The following MYO3B variants were observed in gnomAD, a reference collection of about 807,000 sequenced individuals.
MYO3B encodes myosin-IIIb.
Under a neutral mutation model 174.6 loss-of-function variants are expected in MYO3B, and 156 were observed. The observed-to-expected ratio is 0.89, with a 90% CI of 0.78 to 1.02. The LOEUF (loss-of-function observed/expected upper bound fraction) is 1.02. Ranked by LOEUF, MYO3B falls within the 50% of genes least tolerant of loss-of-function variation. MYO3B has a pLI of 0.00. For synonymous variants in MYO3B, 563 were observed against 569.1 expected, an observed-to-expected ratio of 0.99 and a Z score of 0.15; for missense variants, 1,632 against 1,639.4, an observed-to-expected ratio of 1.00 and a Z score of 0.08.
intron 29 of MYO3B, among the ~76,000 whole-genome samples, chr2:170,517,076 T>A (rs13007341): frequency 6.6e-6 from 1 of 152,022 alleles, no homozygotes; most frequent in Non-Finnish European, 1.5e-5. Context: ...CAATTTCGGA[T>A]GCTGCCTTGA....
intron 30 of MYO3B, chr2:170,524,733 C>A (rs1688898722): frequency 3.2e-6 from 1 of 309,286 alleles, no homozygotes; most frequent in African/African-American, 2.3e-5. Context: ...GATTCGTCCC[C>A]CTCAGGCTCC....
chr2:170,644,639 G>C (rs1312977472), intron 32 of MYO3B: 1 of 152,186 alleles, frequency 6.6e-6, no homozygotes, highest in Non-Finnish European at 1.5e-5. Context: ...TCTAGCTTGA[G>C]TATACTGGCA....
chr2:170,485,386 AACACACACAC>A (rs370436580), intron 25 of MYO3B, among the ~76,000 whole-genome samples: 16 of 136,796 alleles, frequency 1.2e-4, no homozygotes, highest in East Asian at 1.1e-3. Flanking sequence ...ATCCTTTCAG[AACACACACAC>A]ACACACACAC....
At chr2:170,468,601 G>T (rs1227899176) in intron 25 of MYO3B, among the ~76,000 whole-genome samples, 1 of 152,148 alleles carries the variant, frequency 6.6e-6, no homozygotes, top group African/African-American at 2.4e-5. Context: ...CTCTACTCAT[G>T]GAGCCTTTGA....
At chr2:170,456,827 C>T (rs1559018965) in intron 23 of MYO3B, among the ~76,000 whole-genome samples, 2 of 152,212 alleles carry the variant, frequency 1.3e-5, no homozygotes. Context: ...TCATCAGTCA[C>T]TTAATAAAGT....
Position 170,651,670 on chromosome 2 carries a change from G to A in MYO3B, c.3776G>A (p.Arg1259Gln), listed in dbSNP as rs184463443. The change falls in exon 33 of 35, where the codon CGA becomes CAA. Residue 1259 changes from arginine to glutamine, a missense_variant. Physicochemically the swap from Arg to Gln is conservative, Grantham distance 43. Coordinates refer to ENST00000408978, the MANE Select transcript of MYO3B (RefSeq NM_138995.5). ...GLAQKHRTPR[R>Q]RCQQPKMLSS... ...GCACAGAAGCATCGAACACCTCGCC[G>A]ACGATGTCAGCAGCCCAAAATGCTG... 2.7e-5 allele frequency: 43 copies of A among 1,614,062 alleles called. No individual in the cohort carries two copies. The highest frequency in any genetic ancestry group is 3.3e-5 in the Admixed American group (2 of 60,012).
chr2:170,651,562 GC>G, intron 32 of MYO3B, 65 bp from the exon 33 acceptor site: 1 of 1,268,474 alleles, frequency 7.9e-7, no homozygotes, highest in Non-Finnish European at 1.2e-6. Context: ...TATGTGAAGA[GC>G]CATTTTTCAC....
intron 22 of MYO3B, among the ~76,000 whole-genome samples, chr2:170,442,929 T>A (rs2094812977): frequency 6.6e-6 from 1 of 152,216 alleles, no homozygotes; most frequent in Non-Finnish European, 1.5e-5. Context: ...TGGTTCCAAG[T>A]CTTTGCTATT....
At chr2:170,377,317 A>G (rs1574877064) in intron 9 of MYO3B, among the ~76,000 whole-genome samples, 2 of 152,230 alleles carry the variant, frequency 1.3e-5, no homozygotes, top group East Asian at 3.9e-4. Context: ...GGTGTCCTCT[A>G]AAGCTCCTTT....
Position 170,238,392 on chromosome 2 carries a change from A to G in MYO3B, c.749+2256A>G, listed in dbSNP as rs1417930838. Among the ~76,000 whole-genome samples the G allele has an allele frequency of 2.6e-5, 4 of 151,950 alleles. No homozygotes were observed. The East Asian group carries it at 7.7e-4, about 29-fold the overall frequency. ...TCTCTCTCTCTCTCTCCGCCCCCTC[A>G]GTGGAGAAAAGCAAATGAAAAATAA... On this transcript the variant is annotated intron_variant, in intron 7 of 34. Transcript: ENST00000408978.
intron 9 of MYO3B, among the ~76,000 whole-genome samples, chr2:170,375,448 G>A (rs17425581): frequency 0.17 from 26,271 of 151,630 alleles, 2,438 homozygotes; most frequent in Middle Eastern, 0.31. Context: ...AACCACAGAT[G>A]TTAAACCCTA....
At chr2:170,561,478 G>C (rs1266287274) in intron 32 of MYO3B, among the ~76,000 whole-genome samples, 1 of 152,166 alleles carries the variant, frequency 6.6e-6, no homozygotes, top group Non-Finnish European at 1.5e-5. Flanking sequence ...TACATCACAA[G>C]CCTCTGTGGG....
Position 170,337,627 on chromosome 2 carries a change from C to A in MYO3B, c.815+2177C>A, listed in dbSNP as rs967334536. Among the ~76,000 whole-genome samples, 14 of 152,268 alleles carry A rather than the reference C, an allele frequency of 9.2e-5. No individual in the cohort carries two copies. In the East Asian group the frequency reaches 2.1e-3, roughly 23 times the overall value. On this transcript the variant is annotated intron_variant, in intron 8 of 34. Transcript: ENST00000408978. The stretch of plus-strand genomic sequence containing the variant: ...AATGCAGCGGTTGGGGTGCTGACTA[C>A]CCCCCACCTTATGAAGTCAAAAATT...
At chr2:170,378,916 C>T (rs2094314036) in intron 9 of MYO3B, among the ~76,000 whole-genome samples, 1 of 152,186 alleles carries the variant, frequency 6.6e-6, no homozygotes, top group Non-Finnish European at 1.5e-5. Flanking sequence ...ATTTTGAGTT[C>T]TGACTTCCTT....
intron 22 of MYO3B, 142 bp from the exon 23 acceptor site, chr2:170,443,825 T>A (rs890134413): frequency 8.3e-6 from 3 of 363,410 alleles, no homozygotes; most frequent in Non-Finnish European, 9.7e-6. Flanking sequence ...CATCAAAGTG[T>A]CAAAATTTTC....
chr2:170,413,696 G>T (rs951504674), intron 22 of MYO3B, among the ~76,000 whole-genome samples: 2 of 151,298 alleles, frequency 1.3e-5, no homozygotes, highest in African/African-American at 2.4e-5. Flanking sequence ...AGATGTTTTG[G>T]TTTTTTTCTT....
At chr2:170,528,006 A>T (rs887072786) in intron 30 of MYO3B, among the ~76,000 whole-genome samples, 6 of 152,238 alleles carry the variant, frequency 3.9e-5, no homozygotes, top group Non-Finnish European at 7.3e-5. Flanking sequence ...TGAGGTCCAA[A>T]GCTAAATTTA....
At chr2:170,180,178 C>A (rs1428546748) in intron 1 of MYO3B, 1 of 445,816 alleles carries the variant, frequency 2.2e-6, no homozygotes, top group Non-Finnish European at 4.5e-6. Flanking sequence ...TTACTTTCAA[C>A]AAGGTAAGGC....
chr2:170,509,186 G>T (rs181926327), intron 28 of MYO3B, among the ~76,000 whole-genome samples: 1 of 152,248 alleles, frequency 6.6e-6, no homozygotes, highest in Non-Finnish European at 1.5e-5. Context: ...GCAAAATCCT[G>T]TCTCTACTAA....
Sources: gnomAD v4.1 joint callset for allele counts (sites outside exome capture counted in the v4.1 genomes callset) on GRCh38, gnomAD v4.1.1 for gene constraint, MANE v1.5 for transcripts, NCBI Gene and HGNC (gene_info 2026-07-23, HGNC 2026-07-21) for gene names.